The following ANK1 variants were observed in gnomAD, a reference collection of about 807,000 sequenced individuals.
ANK1 encodes the protein ankyrin 1.
In ANK1, 51 loss-of-function variants were observed where a neutral mutation model predicts 210.4. That is an observed-to-expected ratio of 0.24 (90% CI 0.19 to 0.31). ANK1 has a LOEUF of 0.31. Among genes scored for constraint, ANK1 ranks in the 10% least tolerant of loss-of-function variants. ANK1 has a pLI of 1.00. For missense variants in ANK1, 2,051 were observed against 2,504.4 expected (o/e 0.82, Z 3.86); for synonymous variants, 967 against 1,025.9 (o/e 0.94, Z 1.10).
At position 41,708,761 on chromosome 8, in the gene ANK1, G is replaced by A. The variant is rs370841649; in HGVS notation, c.1998+17C>T. 141 of 1,613,024 alleles carry A rather than the reference G, an allele frequency of 8.7e-5. No homozygotes were observed. Among genetic ancestry groups the A allele is most frequent in the Non-Finnish European group, 1.0e-4 (121 of 1,179,986 alleles). ...TTATCCAGCACTCCAGGGCAGATCC[G>A]AAGACACCATGCCTACCTTGTTCCC... On this transcript the variant is annotated intron_variant, in intron 17 of 42. Coordinates refer to ENST00000289734, the MANE Select transcript of ANK1 (RefSeq NM_000037.4).
chr8:41,743,229 CA>C (rs1835239669), intron 2 of ANK1, among the ~76,000 whole-genome samples: 2 of 152,004 alleles, frequency 1.3e-5, no homozygotes, highest in Non-Finnish European at 2.9e-5. Flanking sequence ...ATACTTACTC[CA>C]AATCCTGAAA....
intron 2 of ANK1, among the ~76,000 whole-genome samples, chr8:41,747,972 T>C (rs934972695): frequency 1.3e-5 from 2 of 152,168 alleles, no homozygotes; most frequent in African/African-American, 4.8e-5. Flanking sequence ...ATCCATCCTC[T>C]GAGTCAGTAC....
chr8:41,839,425 TGGGCTCAGA>T (rs2150803638), intron 1 of ANK1, among the ~76,000 whole-genome samples: 1 of 152,368 alleles, frequency 6.6e-6, no homozygotes, highest in East Asian at 1.9e-4. Context: ...TAAGCTGCAG[TGGGCTCAGA>T]GGCCATTGTG....
intron 1 of ANK1, among the ~76,000 whole-genome samples, chr8:41,888,508 G>A (rs544518555): frequency 1.1e-4 from 16 of 152,310 alleles, no homozygotes; most frequent in African/African-American, 3.4e-4. Context: ...TATCATCTCC[G>A]TGTCCGGCTC....
At chr8:41,875,480 T>C (rs116197587) in intron 1 of ANK1, among the ~76,000 whole-genome samples, 2,805 of 152,328 alleles carry the variant, frequency 0.018, 85 homozygotes, top group African/African-American at 0.064. Flanking sequence ...TGATGGAACC[T>C]GGGCTTGACC....
chr8:41,666,415 C>T (rs969779411), intron 39 of ANK1, among the ~76,000 whole-genome samples: 1 of 152,214 alleles, frequency 6.6e-6, no homozygotes, highest in South Asian at 2.1e-4. Context: ...AAATGCCTCT[C>T]ACTCCACAAT....
In ANK1 at chr8:41,668,285, G is replaced by A. The variant is rs147232364; in HGVS notation, c.5376C>T (p.Thr1792=). The change falls in exon 39 of 43, where the codon ACC becomes ACT. Residue 1792 remains threonine (T), a synonymous_variant. Coordinates refer to ENST00000289734, the MANE Select transcript of ANK1 (RefSeq NM_000037.4). ...QEEQVQEAKN[T]FTQVVQGNEF... is the part of the protein sequence containing the mutation. Reference sequence around the variant, plus strand: ...CTCTCACCTGCACCACTTGGGTGAAGGTGTTCTTGGCCTCCTGCACCTGCT... The same window carrying A: ...CTCTCACCTGCACCACTTGGGTGAAAGTGTTCTTGGCCTCCTGCACCTGCT... 1.6e-4 allele frequency: 253 copies of A among 1,614,134 alleles called. No individual in the cohort carries two copies. The highest frequency in any genetic ancestry group is 4.1e-5 in the Non-Finnish European group (48 of 1,180,054).
chr8:41,830,431 T>C (rs1806371473), intron 1 of ANK1, among the ~76,000 whole-genome samples: 1 of 152,002 alleles, frequency 6.6e-6, no homozygotes, highest in East Asian at 1.9e-4. Flanking sequence ...CATTCTGGTA[T>C]ATGGCTGCTT....
At chr8:41,782,740 G>C (rs1845597426) in intron 1 of ANK1, among the ~76,000 whole-genome samples, 1 of 152,184 alleles carries the variant, frequency 6.6e-6, no homozygotes, top group African/African-American at 2.4e-5. Context: ...TTTGGAGTTA[G>C]AGCCTCTCTA....
intron 20 of ANK1, among the ~76,000 whole-genome samples, chr8:41,702,825 T>TTG (rs145650992): frequency 0.036 from 5,423 of 151,856 alleles, 174 homozygotes; most frequent in African/African-American, 0.089. Flanking sequence ...GAGTCCACTT[T>TTG]TGTGTGTGTG....
intron 9 of ANK1, among the ~76,000 whole-genome samples, chr8:41,721,135 T>A (rs1461501075): frequency 6.6e-6 from 1 of 152,160 alleles, no homozygotes; most frequent in Admixed American, 6.5e-5. Context: ...AAACAGGATC[T>A]TCGGGGATAT....
chr8:41,828,918 G>GCCGCCCTCCTCGGGGCC (rs1806032302), intron 1 of ANK1: 1 of 152,272 alleles, frequency 6.6e-6, no homozygotes, highest in South Asian at 2.1e-4. Context: ...GACCCGGGGC[G>GCCGCCCTCCTCGGGGCC]CCGCCCTCCT....
chr8:41,730,395 A>G, intron 3 of ANK1, among the ~76,000 whole-genome samples: 1 of 151,394 alleles, frequency 6.6e-6, no homozygotes, highest in East Asian at 1.9e-4. Flanking sequence ...GCTTGAGTCC[A>G]GGAGTTCAAG....
At chr8:41,724,792 C>G (rs1252507616) in intron 6 of ANK1, among the ~76,000 whole-genome samples, 1 of 152,054 alleles carries the variant, frequency 6.6e-6, no homozygotes, top group Admixed American at 6.5e-5. Flanking sequence ...TCTGTGGGCC[C>G]GTTCGTCAGA....
chr8:41,692,234 T>C (rs1819473447), intron 31 of ANK1, among the ~76,000 whole-genome samples: 1 of 152,156 alleles, frequency 6.6e-6, no homozygotes, highest in Admixed American at 6.5e-5. Flanking sequence ...TTTTTGTATT[T>C]TTAGTAGAGA....
At position 41,661,480 on chromosome 8, in the gene ANK1, T is replaced by C. The variant is rs745379533; in HGVS notation, c.5629A>G (p.Arg1877Gly). 1 of 1,613,886 alleles carries C rather than the reference T, an allele frequency of 6.2e-7. No homozygotes were observed. Among genetic ancestry groups the C allele is most frequent in the Non-Finnish European group, 8.5e-7 (1 of 1,180,004 alleles). ...AQIVKRASLK[R>G]GKQ The stretch of plus-strand genomic sequence containing the variant: ...GCGGCTCGGGGTCACTGTTTCCCCC[T>C]TTTCAGGCTGGCCCGCTTCACTATC... The change falls in exon 42 of 43, where the codon AGG becomes GGG. Residue 1877 changes from arginine to glycine, a missense_variant. By Grantham distance (125) the Arg-to-Gly change is moderately radical. This residue lies in a region of ANK1 where 496 missense variants were observed against 533.4 expected (regional missense o/e 0.93). Coordinates refer to ENST00000289734, the MANE Select transcript of ANK1 (RefSeq NM_000037.4).
intron 1 of ANK1, among the ~76,000 whole-genome samples, chr8:41,760,781 G>A (rs185549787): frequency 1.3e-5 from 2 of 152,282 alleles, no homozygotes; most frequent in East Asian, 3.9e-4. Context: ...TGAGTTGAAA[G>A]GGTGAGAGTG....
chr8:41,750,984 G>A (rs1201171031), intron 2 of ANK1, among the ~76,000 whole-genome samples: 10 of 152,058 alleles, frequency 6.6e-5, no homozygotes, highest in Non-Finnish European at 1.2e-4. Context: ...TTTTGCCCCC[G>A]GGATTCCAGC....
At chr8:41,713,185 C>G (rs1016222332) in intron 16 of ANK1, among the ~76,000 whole-genome samples, 6 of 152,230 alleles carry the variant, frequency 3.9e-5, no homozygotes, top group African/African-American at 1.4e-4. Flanking sequence ...ACTTGGATGC[C>G]TGCCACATGA....
Sources: allele counts gnomAD v4.1 joint callset (sites outside exome capture counted in the v4.1 genomes callset), GRCh38; gene constraint gnomAD v4.1.1; regional missense constraint gnomAD v4.1.1; transcripts MANE v1.5; gene names NCBI Gene and HGNC (gene_info 2026-07-23, HGNC 2026-07-21).